ABTB3: variants seen among roughly 807,000 people sequenced by gnomAD.
ABTB3 encodes the protein ankyrin repeat- and BTB/POZ domain-containing protein 3.
At chr12:107,578,884 ATTGGTAAAT>A in the ABTB3 span, among the ~76,000 whole-genome samples, 1 of 152,190 alleles carries the variant, frequency 6.6e-6, no homozygotes, top group South Asian at 2.1e-4. Flanking sequence ...CCAGTAAGAA[ATTGGTAAAT>A]CTTAGTCTGT....
chr12:107,632,249 G>A, the ABTB3 span, among the ~76,000 whole-genome samples: 1 of 152,044 alleles, frequency 6.6e-6, no homozygotes, highest in African/African-American at 2.4e-5. Flanking sequence ...AGAAAAACTC[G>A]CAAAAGAGTC....
At chr12:107,578,153 A>G in the ABTB3 span, among the ~76,000 whole-genome samples, 1 of 152,164 alleles carries the variant, frequency 6.6e-6, no homozygotes, top group Non-Finnish European at 1.5e-5. Context: ...CTCTGAGTAG[A>G]CAAGATAAGA....
At chr12:107,494,781 T>C in the ABTB3 span, among the ~76,000 whole-genome samples, 2 of 152,150 alleles carry the variant, frequency 1.3e-5, no homozygotes, top group Non-Finnish European at 2.9e-5. Context: ...CCCTTCCTAC[T>C]GAGGGCTCTG....
chr12:107,544,629 A>G, the ABTB3 span, among the ~76,000 whole-genome samples: 1 of 152,310 alleles, frequency 6.6e-6, no homozygotes, highest in East Asian at 1.9e-4. Flanking sequence ...TGGGGAAGGA[A>G]GGAACTGGGA....
chr12:107,511,578 A>G, the ABTB3 span, among the ~76,000 whole-genome samples: 1 of 152,104 alleles, frequency 6.6e-6, no homozygotes. Flanking sequence ...TGGTGGCGGC[A>G]GGGTTCTAAG....
the ABTB3 span, among the ~76,000 whole-genome samples, chr12:107,646,480 T>C: frequency 6.6e-6 from 1 of 152,190 alleles, no homozygotes; most frequent in African/African-American, 2.4e-5. Flanking sequence ...GGAGAATAAA[T>C]TGATTTTAAT....
At chr12:107,373,195 C>T in the ABTB3 span, among the ~76,000 whole-genome samples, 2 of 152,228 alleles carry the variant, frequency 1.3e-5, no homozygotes, top group Non-Finnish European at 2.9e-5. Context: ...ATGAACTCCG[C>T]ATTGGCTGGC....
At chr12:107,459,596 G>A in the ABTB3 span, among the ~76,000 whole-genome samples, 2 of 152,366 alleles carry the variant, frequency 1.3e-5, no homozygotes, top group South Asian at 2.1e-4. Flanking sequence ...TGCAAGTAAG[G>A]AAGTGCCTAG....
the ABTB3 span, among the ~76,000 whole-genome samples, chr12:107,655,274 T>TATAC: frequency 1.4e-3 from 217 of 151,242 alleles, no homozygotes; most frequent in African/African-American, 5.0e-3. Flanking sequence ...TATATATATA[T>TATAC]ACACCTACAA....
At chr12:107,471,054 A>G in the ABTB3 span, among the ~76,000 whole-genome samples, 1 of 152,150 alleles carries the variant, frequency 6.6e-6, no homozygotes, top group Non-Finnish European at 1.5e-5. Context: ...TAAATAATAA[A>G]TTGCTGCGTG....
the ABTB3 span, among the ~76,000 whole-genome samples, chr12:107,321,050 G>C: frequency 6.6e-6 from 1 of 152,204 alleles, no homozygotes; most frequent in African/African-American, 2.4e-5. Flanking sequence ...GCCCGTCTGC[G>C]AAAGCCGGAG....
chr12:107,421,786 A>G, the ABTB3 span, among the ~76,000 whole-genome samples: 7 of 152,300 alleles, frequency 4.6e-5, no homozygotes, highest in East Asian at 7.7e-4. Flanking sequence ...ATCTCATCCA[A>G]TCTCTTCATT....
At chr12:107,627,904 A>G in the ABTB3 span, among the ~76,000 whole-genome samples, 3 of 152,236 alleles carry the variant, frequency 2.0e-5, no homozygotes, top group Non-Finnish European at 4.4e-5. Context: ...TATTACTACC[A>G]TAAGTGGATA....
chr12:107,477,511 A>C, the ABTB3 span, among the ~76,000 whole-genome samples: 1 of 152,124 alleles, frequency 6.6e-6, no homozygotes, highest in African/African-American at 2.4e-5. Context: ...CATAAAGTTC[A>C]TCCTTGTGTG....
chr12:107,461,083 C>T, the ABTB3 span, among the ~76,000 whole-genome samples: 40 of 152,250 alleles, frequency 2.6e-4, 1 homozygote, highest in African/African-American at 7.5e-4. Flanking sequence ...AGCAAAGGCA[C>T]GTCCTACATG....
At chr12:107,555,978 C>T in the ABTB3 span, among the ~76,000 whole-genome samples, 4 of 152,340 alleles carry the variant, frequency 2.6e-5, no homozygotes, top group East Asian at 7.7e-4. Flanking sequence ...TTTCTTAAAG[C>T]AGCCATCATC....
chr12:107,617,007 T>C, the ABTB3 span: 2 of 1,387,578 alleles, frequency 1.4e-6, no homozygotes, highest in Non-Finnish European at 2.0e-6. Context: ...TGCTGGCATC[T>C]CACCCATCCC....
At chr12:107,319,128 A>G in the ABTB3 span, 2 of 1,605,886 alleles carry the variant, frequency 1.2e-6, no homozygotes, top group South Asian at 2.2e-5. Context: ...CACAGCCGGC[A>G]CAACAGCTTT....
chr12:107,393,746 C>T, the ABTB3 span, among the ~76,000 whole-genome samples: 4 of 152,006 alleles, frequency 2.6e-5, no homozygotes, highest in African/African-American at 7.3e-5. Flanking sequence ...CTGGCTAACA[C>T]GGTGAAACCC....
Sources: allele counts gnomAD v4.1 joint callset (sites outside exome capture counted in the v4.1 genomes callset), GRCh38; gene constraint gnomAD v4.1.1; transcripts MANE v1.5; gene names NCBI Gene and HGNC (gene_info 2026-07-23, HGNC 2026-07-21).